The following ANAPC5 variants were observed in gnomAD, a reference collection of about 807,000 sequenced individuals.
ANAPC5 encodes anaphase promoting complex subunit 5.
Under a neutral mutation model 91.3 loss-of-function variants are expected in ANAPC5, and 60 were observed. The ratio of observed to expected loss-of-function variants is 0.66; its 90% CI spans 0.53 to 0.81. ANAPC5 has a LOEUF of 0.81. ANAPC5 is among the 40% of genes least tolerant of loss of function. The pLI is 0.00. For synonymous variants in ANAPC5, 340 were observed against 364.1 expected (o/e 0.93, Z 0.75); for missense variants, 690 against 931.5 (o/e 0.74, Z 3.37).
intron 1 of ANAPC5, among the ~76,000 whole-genome samples, chr12:121,349,960 C>T (rs1323227681): frequency 2.6e-5 from 4 of 152,100 alleles, no homozygotes; most frequent in Admixed American, 2.6e-4. Context: ...ATCCACCCAC[C>T]TCAGCCTCCC....
At chr12:121,353,164 C>A (rs1555275686), upstream of ANAPC5, among the ~76,000 whole-genome samples, 1 of 152,134 alleles carries the variant, frequency 6.6e-6, no homozygotes, top group African/African-American at 2.4e-5. Context: ...AACATCACCT[C>A]CATGTGCTGA....
At chr12:121,309,379 A>G (rs1249693798) in intron 16 of ANAPC5, among the ~76,000 whole-genome samples, 1 of 151,672 alleles carries the variant, frequency 6.6e-6, no homozygotes, top group Non-Finnish European at 1.5e-5. Flanking sequence ...CGGAGGTTGC[A>G]GTGAGCCGAG....
At chr12:121,326,532 C>G (rs1902824942) in intron 11 of ANAPC5, 1 of 152,152 alleles carries the variant, frequency 6.6e-6, no homozygotes, top group African/African-American at 2.4e-5. Flanking sequence ...AGATTATGTC[C>G]CATTCCCACT....
At position 121,320,472 on chromosome 12, in the gene ANAPC5, C is replaced by G. The variant is rs146296663; in HGVS notation, c.1441-13G>C. 1.3e-4 allele frequency: 211 copies of G among 1,612,826 alleles called. 2 individuals are homozygous for G. In the East Asian group the frequency reaches 4.5e-3, roughly 35 times the overall value. ...CAGCAAAACAGCCCTAAAGTAGAAA[C>G]ACACAATTTGATCAGCATAACCTGT... On this transcript the variant is annotated splice_polypyrimidine_tract_variant and intron_variant, in intron 11 of 16. Coordinates refer to ENST00000261819, the MANE Select transcript of ANAPC5 (RefSeq NM_016237.5).
chr12:121,308,802 T>C (rs1902043561), intron 16 of ANAPC5, 111 bp from the exon 17 acceptor site: 6 of 908,690 alleles, frequency 6.6e-6, no homozygotes, highest in South Asian at 5.9e-5. Flanking sequence ...GATTCTTTTA[T>C]ATTCTCCATT....
Position 121,321,687 on chromosome 12 carries a change from G to A in ANAPC5, c.1441-1228C>T, listed in dbSNP as rs183120222. On this transcript the variant is annotated intron_variant, in intron 11 of 16. Transcript: ENST00000261819. The stretch of plus-strand genomic sequence containing the variant: ...CGAGTAGCTGGAATTACAGGTGCGC[G>A]CCACCATGCTCAGCTAATTTTTGTA... 4.0e-4 allele frequency among the ~76,000 whole-genome samples: 60 copies of A among 151,654 alleles called. No homozygotes were observed. The East Asian group carries it at 7.6e-3, about 19-fold the overall frequency.
upstream of ANAPC5, among the ~76,000 whole-genome samples, chr12:121,353,693 G>A (rs1805347785): frequency 6.6e-6 from 1 of 152,112 alleles, no homozygotes; most frequent in Admixed American, 6.6e-5. Context: ...TCCCGCCTCG[G>A]CCTCCCAAAG....
At chr12:121,320,340 A>C in intron 12 of ANAPC5, 45 bp downstream of exon 12, 1 of 1,568,044 alleles carries the variant, frequency 6.4e-7, no homozygotes, top group Non-Finnish European at 8.8e-7. Flanking sequence ...AATAAAAGCT[A>C]TTTTTATCAG....
intron 1 of ANAPC5, chr12:121,351,322 G>A (rs1383304413): frequency 6.7e-6 from 2 of 298,136 alleles, no homozygotes; most frequent in Non-Finnish European, 6.6e-6. Flanking sequence ...GCAGTGAGCC[G>A]CGATCACACT....
intron 2 of ANAPC5, 133 bp downstream of exon 2, chr12:121,347,669 A>C: frequency 1.5e-6 from 1 of 668,690 alleles, no homozygotes; most frequent in Non-Finnish European, 2.5e-6. Flanking sequence ...AAACAGAATT[A>C]AGTAAAGGCT....
Position 121,308,779 on chromosome 12 carries a change from A to G in ANAPC5, c.2057-88T>C, listed in dbSNP as rs575101181. The G allele has an allele frequency of 4.9e-5, 52 of 1,054,520 alleles. No homozygotes were observed. In the South Asian group the frequency reaches 6.0e-4, roughly 12 times the overall value. 65.3% of individuals were successfully genotyped at this position (1,054,520 alleles called of 1,614,324 possible). ...CGTGGTATTTAGTTTTATTTGTTCA[A>G]CAACTACCAGAAGATTCTTTTATAT... On this transcript the variant is annotated intron_variant, in intron 16 of 16. Transcript: ENST00000261819.
rs1555275479 is a variant in ANAPC5, at chr12:121,352,230, C to T, written c.111G>A (p.Val37=). Reference sequence around the variant, plus strand: ...GGCTCATCTCGTTCAGCAGCACCAGCACCGCGATCTTGTACGGCGTCACCC... The same window carrying T: ...GGCTCATCTCGTTCAGCAGCACCAGTACCGCGATCTTGTACGGCGTCACCC... The part of the protein sequence containing the change: ...KDWVTPYKIA[V]LVLLNEMSRT... The change falls in exon 1 of 17, where the codon GTG becomes GTA. Residue 37 remains valine, a synonymous_variant. Coordinates refer to ENST00000261819, the MANE Select transcript of ANAPC5 (RefSeq NM_016237.5). The T allele has an allele frequency of 6.2e-7, 1 of 1,614,170 alleles. No individual in the cohort carries two copies. The highest frequency in any genetic ancestry group is 8.5e-7 in the Non-Finnish European group (1 of 1,180,008).
At chr12:121,351,612 C>T (rs554753060) in intron 1 of ANAPC5, among the ~76,000 whole-genome samples, 1 of 152,014 alleles carries the variant, frequency 6.6e-6, no homozygotes, top group African/African-American at 2.4e-5. Context: ...TGCCCGCCAC[C>T]ACGTCCAGCT....
chr12:121,329,054 G>A (rs575693425), intron 9 of ANAPC5: 18 of 152,596 alleles, frequency 1.2e-4, no homozygotes, highest in Middle Eastern at 6.8e-3. Flanking sequence ...TTAAGCCTGC[G>A]CTTACTTCAA....
intron 10 of ANAPC5, chr12:121,327,716 T>G: frequency 6.3e-6 from 1 of 159,148 alleles, no homozygotes; most frequent in Non-Finnish European, 1.4e-5. Flanking sequence ...ACTGTCTAAG[T>G]GAGGGGTGAG....
intron 15 of ANAPC5, among the ~76,000 whole-genome samples, chr12:121,316,637 G>A (rs1902375055): frequency 6.7e-6 from 1 of 149,734 alleles, no homozygotes; most frequent in African/African-American, 2.5e-5. Flanking sequence ...GAAGGCTGAG[G>A]CAGGAGAATG....
At chr12:121,333,943 C>T (rs1555273174) in intron 7 of ANAPC5, 1 of 152,116 alleles carries the variant, frequency 6.6e-6, no homozygotes, top group African/African-American at 2.4e-5. Context: ...AGACTGTTCC[C>T]TCCCCACACA....
intron 9 of ANAPC5, chr12:121,329,172 G>A (rs906284759): frequency 1.3e-5 from 2 of 152,252 alleles, no homozygotes; most frequent in Non-Finnish European, 2.9e-5. Flanking sequence ...GGTTGTTTTT[G>A]AGACGGAGTC....
intron 11 of ANAPC5, chr12:121,326,610 A>G (rs983127192): frequency 6.6e-6 from 1 of 152,298 alleles, no homozygotes; most frequent in Non-Finnish European, 1.5e-5. Flanking sequence ...TGTTGGATAC[A>G]GGATTTAGCT....
Sources: gnomAD v4.1 joint callset for allele counts (sites outside exome capture counted in the v4.1 genomes callset) on GRCh38, gnomAD v4.1.1 for gene constraint, MANE v1.5 for transcripts, NCBI Gene and HGNC (gene_info 2026-07-23, HGNC 2026-07-21) for gene names.